Variants in MRAP2 observed in about 807,000 individuals in gnomAD.
MRAP2 encodes melanocortin-2 receptor accessory protein 2.
Under a neutral mutation model 17.4 loss-of-function variants are expected in MRAP2, and 20 were observed. That is an observed-to-expected ratio of 1.15 (90% CI 0.81 to 1.67). The LOEUF is 1.67. Ranked by LOEUF, MRAP2 falls within the 40% of genes most tolerant of loss-of-function variation. The pLI, the probability that MRAP2 is intolerant of heterozygous loss-of-function variation, is 0.00. For missense variants in MRAP2, 238 were observed against 240.0 expected (o/e 0.99, Z 0.05); for synonymous variants, 96 against 88.4 (o/e 1.09, Z -0.48).
chr6:84,117,947 A>G, the MRAP2 span, among the ~76,000 whole-genome samples: 7 of 152,220 alleles, frequency 4.6e-5, no homozygotes, highest in African/African-American at 1.4e-4. Context: ...TCACCCAGTT[A>G]GGAGGAACGG....
chr6:84,058,276 G>A (rs2099492186), intron 2 of MRAP2, among the ~76,000 whole-genome samples: 1 of 152,226 alleles, frequency 6.6e-6, no homozygotes, highest in Admixed American at 6.5e-5. Flanking sequence ...CTTGGAGCCA[G>A]GTAGGGAGAG....
At chr6:84,116,235 GA>G in the MRAP2 span, among the ~76,000 whole-genome samples, 1 of 152,094 alleles carries the variant, frequency 6.6e-6, no homozygotes, top group Non-Finnish European at 1.5e-5. Flanking sequence ...ATCTCATCTT[GA>G]ATTGTAGCTC....
chr6:84,122,486 T>C, the MRAP2 span, among the ~76,000 whole-genome samples: 1 of 151,234 alleles, frequency 6.6e-6, no homozygotes, highest in South Asian at 2.1e-4. Context: ...AACTACATGA[T>C]CATCTCAATA....
chr6:84,033,490 A>G (rs2099485072), upstream of MRAP2, among the ~76,000 whole-genome samples: 1 of 152,192 alleles, frequency 6.6e-6, no homozygotes, highest in Non-Finnish European at 1.5e-5. Flanking sequence ...TCAGCTAATG[A>G]GCTCCTCCTG....
chr6:84,089,064 A>G, intron 3 of MRAP2, 27 bp from the exon 4 acceptor site: 2 of 1,580,290 alleles, frequency 1.3e-6, no homozygotes, highest in Non-Finnish European at 1.7e-6. Flanking sequence ...GAGTGTAAGC[A>G]GTCTTTTATT....
At chr6:84,058,998 T>A (rs2099492393) in intron 2 of MRAP2, among the ~76,000 whole-genome samples, 2 of 152,056 alleles carry the variant, frequency 1.3e-5, no homozygotes, top group Non-Finnish European at 2.9e-5. Context: ...TACAGACAAA[T>A]CTCTCAAGTG....
rs146285549 is a variant in MRAP2 at position 84,043,135 on chromosome 6, C to T, written c.-8+9252C>T. ...ATTCTGCCAACTCTTTCAATAACTC[C>T]ACTAATTAGAACTTAAAGAGTGGTT... On this transcript the variant is annotated intron_variant, in intron 1 of 3. Transcript: ENST00000257776. Among the ~76,000 whole-genome samples, 23 of 152,322 alleles carry T rather than the reference C, an allele frequency of 1.5e-4. 1 individual carries two copies. The highest frequency in any genetic ancestry group is 5.3e-4 in the African/African-American group (22 of 41,572).
At chr6:84,078,270 T>C (rs2099498100) in intron 3 of MRAP2, among the ~76,000 whole-genome samples, 1 of 152,192 alleles carries the variant, frequency 6.6e-6, no homozygotes, top group South Asian at 2.1e-4. Context: ...GCATATATTA[T>C]AAAACTTCCA....
chr6:84,049,875 T>C (rs1406582536), intron 1 of MRAP2, among the ~76,000 whole-genome samples: 1 of 152,128 alleles, frequency 6.6e-6, no homozygotes, highest in East Asian at 1.9e-4. Flanking sequence ...TGCTGGGTAA[T>C]TGAGTACTTT....
At chr6:84,104,800 G>A in the MRAP2 span, among the ~76,000 whole-genome samples, 4 of 152,214 alleles carry the variant, frequency 2.6e-5, no homozygotes, top group South Asian at 2.1e-4. Context: ...CCCAGGAGGC[G>A]GAGCTTGCAG....
rs2099501623 is a variant in MRAP2 at position 84,090,690 on chromosome 6, T to A, written c.*1209T>A. On this transcript the variant is annotated 3_prime_UTR_variant, in exon 4 of 4. Transcript: ENST00000257776. ...TAGCAGATATTCAGGGTGGCCTGAG[T>A]TATGTAAACAAGTGAGCAACACAGC... 1 of 152,118 alleles carries A rather than the reference T, an allele frequency of 6.6e-6. No homozygotes were observed. The highest frequency in any genetic ancestry group is 2.1e-4 in the South Asian group (1 of 4,822). 9.4% of individuals were successfully genotyped at this position (152,118 alleles called of 1,614,324 possible).
intron 1 of MRAP2, among the ~76,000 whole-genome samples, chr6:84,048,777 C>G (rs1371390625): frequency 6.6e-6 from 1 of 152,160 alleles, no homozygotes; most frequent in Non-Finnish European, 1.5e-5. Context: ...ATTTTGTTTC[C>G]CAGACCACGT....
At chr6:84,145,955 G>A in the MRAP2 span, among the ~76,000 whole-genome samples, 36,974 of 151,998 alleles carry the variant, frequency 0.24, 9,908 homozygotes, top group African/African-American at 0.67. Context: ...CCTCTTATTA[G>A]ATCACCATAT....
chr6:84,063,259 A>C, intron 3 of MRAP2: 2 of 985,322 alleles, frequency 2.0e-6, no homozygotes. Flanking sequence ...TGTGGGCCTG[A>C]TTTTTACATT....
chr6:84,122,768 T>C, the MRAP2 span, among the ~76,000 whole-genome samples: 1 of 152,056 alleles, frequency 6.6e-6, no homozygotes, highest in African/African-American at 2.4e-5. Flanking sequence ...GACATCCAAA[T>C]TGGAAAAGAC....
At chr6:84,059,528 G>T (rs1252576955) in intron 2 of MRAP2, among the ~76,000 whole-genome samples, 1 of 152,230 alleles carries the variant, frequency 6.6e-6, no homozygotes, top group East Asian at 1.9e-4. Context: ...GGAGAGGAGG[G>T]TGAGTCGGAT....
chr6:84,108,140 A>G, the MRAP2 span, among the ~76,000 whole-genome samples: 2 of 152,126 alleles, frequency 1.3e-5, no homozygotes, highest in Non-Finnish European at 2.9e-5. Flanking sequence ...GGCTAAATAT[A>G]TATTTAATAT....
chr6:84,073,054 C>T (rs2099496610), intron 3 of MRAP2, among the ~76,000 whole-genome samples: 3 of 152,196 alleles, frequency 2.0e-5, no homozygotes, highest in African/African-American at 7.2e-5. Context: ...GGAGTCTGCA[C>T]ACTGGATTCG....
intron 1 of MRAP2, among the ~76,000 whole-genome samples, chr6:84,052,116 G>C (rs992505567): frequency 1.6e-4 from 25 of 152,142 alleles, no homozygotes; most frequent in African/African-American, 4.8e-4. Flanking sequence ...TATGTTTCCT[G>C]TCAAAGAAGT....
Sources: allele counts gnomAD v4.1 joint callset (sites outside exome capture counted in the v4.1 genomes callset), GRCh38; gene constraint gnomAD v4.1.1; transcripts MANE v1.5; gene names NCBI Gene and HGNC (gene_info 2026-07-23, HGNC 2026-07-21).